GNB4: variants seen among roughly 807,000 people sequenced by gnomAD.
GNB4 encodes G protein subunit beta 4.
Under a neutral mutation model 45.2 loss-of-function variants are expected in GNB4, and 28 were observed. That is an observed-to-expected ratio of 0.62 (90% CI 0.46 to 0.85). The LOEUF is 0.85. Among genes scored for constraint, GNB4 ranks in the 40% least tolerant of loss-of-function variants. The pLI, the probability that GNB4 is intolerant of heterozygous loss-of-function variation, is 0.00. For missense variants in GNB4, 321 were observed against 425.4 expected, an observed-to-expected ratio of 0.75 and a Z score of 2.16; for synonymous variants, 132 against 143.7, an observed-to-expected ratio of 0.92 and a Z score of 0.58.
the GNB4 span, among the ~76,000 whole-genome samples, chr3:179,504,020 T>TC: frequency 6.6e-6 from 1 of 152,166 alleles, no homozygotes; most frequent in African/African-American, 2.4e-5. Flanking sequence ...GCAGACTTTT[T>TC]CCCCATGTCA....
the GNB4 span, among the ~76,000 whole-genome samples, chr3:179,473,558 C>A: frequency 6.6e-6 from 1 of 152,230 alleles, no homozygotes; most frequent in East Asian, 1.9e-4. Context: ...ACCTCAGCCT[C>A]CCAAAGTGCT....
intron 9 of GNB4, among the ~76,000 whole-genome samples, chr3:179,403,465 G>T (rs542843693): frequency 6.6e-6 from 1 of 152,102 alleles, no homozygotes; most frequent in African/African-American, 2.4e-5. Context: ...CCTCCCAGAA[G>T]ATAAAGCAAA....
chr3:179,436,172 G>A (rs1265335100), intron 1 of GNB4, among the ~76,000 whole-genome samples: 1 of 152,214 alleles, frequency 6.6e-6, no homozygotes, highest in East Asian at 1.9e-4. Context: ...GCCAAGGCAG[G>A]TAGATCGCCT....
chr3:179,429,447 T>C (rs1577035340), intron 1 of GNB4, among the ~76,000 whole-genome samples: 3 of 152,232 alleles, frequency 2.0e-5, no homozygotes, highest in South Asian at 2.1e-4. Flanking sequence ...ACTCATTTAT[T>C]CGCTTGTAAG....
At chr3:179,527,449 T>C in the GNB4 span, among the ~76,000 whole-genome samples, 1 of 152,196 alleles carries the variant, frequency 6.6e-6, no homozygotes, top group South Asian at 2.1e-4. Flanking sequence ...CTTTCTTAAA[T>C]AATAATGATA....
Position 179,400,996 on chromosome 3 carries a change from A to G in GNB4, c.*217T>C. ...CAAGGTTAAAATAACCCAACCCCTC[A>G]AATTAATACACTGGTCCTTTTGATC... On this transcript the variant is annotated 3_prime_UTR_variant, in exon 10 of 10. Transcript: ENST00000232564. 2.3e-6 allele frequency: 1 copy of G among 443,704 alleles called. No homozygotes were observed. 27.5% of individuals were successfully genotyped at this position (443,704 alleles called of 1,614,324 possible).
chr3:179,434,601 G>A (rs535557931), intron 1 of GNB4, among the ~76,000 whole-genome samples: 3 of 151,928 alleles, frequency 2.0e-5, no homozygotes, highest in African/African-American at 2.4e-5. Context: ...TGTGCCTGTA[G>A]TACCAGACAC....
intron 1 of GNB4, among the ~76,000 whole-genome samples, chr3:179,450,248 A>G (rs1037565673): frequency 6.6e-6 from 1 of 152,244 alleles, no homozygotes; most frequent in African/African-American, 2.4e-5. Context: ...AAAAGCCCCA[A>G]ACTGAAGAGT....
intron 4 of GNB4, among the ~76,000 whole-genome samples, chr3:179,418,490 A>T (rs1714873379): frequency 6.7e-6 from 1 of 148,150 alleles, no homozygotes; most frequent in Non-Finnish European, 1.5e-5. Context: ...AAAAAAAAAG[A>T]AAAAAGAAAA....
chr3:179,423,724 T>C (rs1375866729), intron 2 of GNB4, among the ~76,000 whole-genome samples: 1 of 150,680 alleles, frequency 6.6e-6, no homozygotes, highest in Non-Finnish European at 1.5e-5. Context: ...GAGGTTGCAG[T>C]GAGAAGAGAT....
At chr3:179,460,169 T>C in the GNB4 span, among the ~76,000 whole-genome samples, 2 of 152,208 alleles carry the variant, frequency 1.3e-5, no homozygotes, top group Non-Finnish European at 2.9e-5. Flanking sequence ...TTACAGATAT[T>C]TGCACTGCTC....
the GNB4 span, among the ~76,000 whole-genome samples, chr3:179,501,627 A>C: frequency 6.6e-6 from 1 of 152,156 alleles, no homozygotes; most frequent in East Asian, 1.9e-4. Context: ...GTCTGGTCCC[A>C]ATTGCCTATT....
chr3:179,482,514 ATTTATTTTG>A, the GNB4 span, among the ~76,000 whole-genome samples: 9 of 152,178 alleles, frequency 5.9e-5, no homozygotes, highest in Non-Finnish European at 1.3e-4. Context: ...TGTATAAAAC[ATTTATTTTG>A]TAAAAGATAG....
chr3:179,474,850 C>T, the GNB4 span, among the ~76,000 whole-genome samples: 1 of 143,710 alleles, frequency 7.0e-6, no homozygotes, highest in African/African-American at 2.6e-5. Flanking sequence ...CTCCAAGGCT[C>T]AAGTGATCCT....
chr3:179,470,795 T>A, the GNB4 span, among the ~76,000 whole-genome samples: 2 of 152,098 alleles, frequency 1.3e-5, no homozygotes, highest in Admixed American at 1.3e-4. Flanking sequence ...AATATTTTTA[T>A]ATAGCTGTAC....
the GNB4 span, among the ~76,000 whole-genome samples, chr3:179,463,593 C>T: frequency 6.6e-6 from 1 of 152,172 alleles, no homozygotes; most frequent in Non-Finnish European, 1.5e-5. Context: ...TGCCCAAGAG[C>T]ACTAAGATTT....
intron 8 of GNB4, among the ~76,000 whole-genome samples, chr3:179,408,226 CAG>C (rs902677495): frequency 1.3e-5 from 2 of 150,846 alleles, no homozygotes; most frequent in East Asian, 1.9e-4. Context: ...TTGAAAAAAA[CAG>C]AAAAAGTCAC....
At chr3:179,501,525 G>C in the GNB4 span, among the ~76,000 whole-genome samples, 1 of 148,128 alleles carries the variant, frequency 6.8e-6, no homozygotes, top group African/African-American at 2.5e-5. Flanking sequence ...GCATTTTGTC[G>C]TGTTGCCCAG....
rs539838975 is a variant in GNB4 at position 179,400,936 on chromosome 3, A to G, written c.*277T>C. ...TAATGTGTACATTCTGTTCTACACAAAGAAAATACACTCTGAGTACACACA... is the reference window on the plus strand; with the variant it reads ...TAATGTGTACATTCTGTTCTACACAGAGAAAATACACTCTGAGTACACACA... On this transcript the variant is annotated 3_prime_UTR_variant, in exon 10 of 10. Transcript: ENST00000232564. 1 of 293,152 alleles carries G rather than the reference A, an allele frequency of 3.4e-6. No homozygotes were observed. Among genetic ancestry groups the G allele is most frequent in the Non-Finnish European group, 6.3e-6 (1 of 158,726 alleles). 18.2% of individuals were successfully genotyped at this position (293,152 alleles called of 1,614,324 possible).
Sources: gnomAD v4.1 joint callset for allele counts (sites outside exome capture counted in the v4.1 genomes callset) on GRCh38, gnomAD v4.1.1 for gene constraint, MANE v1.5 for transcripts, NCBI Gene and HGNC (gene_info 2026-07-23, HGNC 2026-07-21) for gene names.